PABPC4: variants seen among roughly 807,000 people sequenced by gnomAD.
The protein encoded by PABPC4 is poly(A) binding protein cytoplasmic 4.
In PABPC4, 15 loss-of-function variants were observed where a neutral mutation model predicts 74.5. That is an observed-to-expected ratio of 0.20 (90% confidence interval 0.13 to 0.31). The LOEUF (loss-of-function observed/expected upper bound fraction) is 0.31. PABPC4 is among the 10% of genes least tolerant of loss of function. The probability of loss-of-function intolerance (pLI) is 1.00; values close to 1 mark genes in which losing one functional copy is unlikely to be tolerated. For missense variants in PABPC4, 610 were observed against 853.5 expected, an observed-to-expected ratio of 0.71 and a Z score of 3.55; for synonymous variants, 345 against 303.0, an observed-to-expected ratio of 1.14 and a Z score of -1.44.
At chr1:39,561,508 A>C (rs899102961) in intron 15 of PABPC4, 177 bp downstream of exon 15, 1 of 597,298 alleles carries the variant, frequency 1.7e-6, no homozygotes, top group Admixed American at 3.1e-5. Flanking sequence ...TCCTGCAGAC[A>C]AAGTCCACAG....
At chr1:39,566,614 G>A (rs1468485745) in intron 7 of PABPC4, among the ~76,000 whole-genome samples, 3 of 152,206 alleles carry the variant, frequency 2.0e-5, no homozygotes, top group Non-Finnish European at 2.9e-5. Context: ...TGAAGTGGAG[G>A]ATAGGGAAGT....
chr1:39,574,985 T>C (rs535351155), intron 1 of PABPC4, among the ~76,000 whole-genome samples: 4 of 152,324 alleles, frequency 2.6e-5, no homozygotes, highest in South Asian at 2.1e-4. Flanking sequence ...AGGAGTCCCA[T>C]TTTCTTCAGA....
intron 3 of PABPC4, 106 bp from the exon 4 acceptor site, chr1:39,570,108 G>T: frequency 2.7e-6 from 3 of 1,106,322 alleles, no homozygotes; most frequent in Non-Finnish European, 2.6e-6. Context: ...GTTAAAACAC[G>T]AGATCCCCAT....
intron 7 of PABPC4, chr1:39,567,289 TC>T (rs1645861889): frequency 2.3e-6 from 1 of 434,328 alleles, no homozygotes; most frequent in African/African-American, 2.0e-5. Context: ...AACCTTCCAC[TC>T]CCCTTTCCTC....
At chr1:39,564,583 G>C in intron 9 of PABPC4, 41 bp from the exon 10 acceptor site, 1 of 1,613,078 alleles carries the variant, frequency 6.2e-7, no homozygotes. Flanking sequence ...GAAGTGATGT[G>C]GACCAGAACC....
rs767586285 is a variant in PABPC4 at position 39,565,339 on chromosome 1, C to T, written c.1012G>A (p.Val338Ile). The T allele has an allele frequency of 1.2e-5, 19 of 1,613,616 alleles. No homozygotes were observed. The highest frequency in any genetic ancestry group is 6.7e-5 in the East Asian group (3 of 44,892). ...GCTTCTTCAGGAGATGAGAAGCAGA[C>T]GAAGCCAAACCCTTTGCTTCTTCCA... The part of the protein sequence containing the change: ...EDGRSKGFGF[V>I]CFSSPEEATK... Residue 338 changes from valine to isoleucine, a missense_variant, in exon 8 of 16, where the codon GTC (valine) becomes ATC (isoleucine). Val to Ile is a conservative substitution (Grantham distance 29). Coordinates refer to ENST00000372858, the MANE Select transcript of PABPC4 (RefSeq NM_001135653.2).
chr1:39,569,536 C>T, intron 5 of PABPC4, 59 bp downstream of exon 5: 1 of 1,243,026 alleles, frequency 8.0e-7, no homozygotes, highest in East Asian at 2.3e-5. Flanking sequence ...TAGCAAGACC[C>T]TACCCATACT....
intron 10 of PABPC4, 161 bp from the exon 11 acceptor site, chr1:39,564,083 A>G (rs952425319): frequency 3.1e-6 from 2 of 648,206 alleles, no homozygotes; most frequent in Admixed American, 2.7e-5. Flanking sequence ...AACTCTTTCC[A>G]CATCTTGGAA....
At position 39,569,560 on chromosome 1, in the gene PABPC4, T is replaced by C. The variant is rs373070140; in HGVS notation, c.738+35A>G. 5.8e-5 allele frequency: 90 copies of C among 1,552,582 alleles called. 1 individual carries two copies. The African/African-American group carries it at 8.1e-4, about 14-fold the overall frequency. ...CCTACCCATACTCTGGGGCAACCTC[T>C]TAAAAGCTTTTCCCAATCTTTGTGG... On this transcript the variant is annotated intron_variant, in intron 5 of 15. Coordinates refer to ENST00000372858, the MANE Select transcript of PABPC4 (RefSeq NM_001135653.2).
At chr1:39,568,753 A>C in intron 6 of PABPC4, 49 bp downstream of exon 6, 1 of 1,580,678 alleles carries the variant, frequency 6.3e-7, no homozygotes, top group Non-Finnish European at 8.6e-7. Flanking sequence ...GTGTTCTGCA[A>C]ATATTTCACA....
chr1:39,576,000 G>A lies in PABPC4; in HGVS notation c.-49C>T, dbSNP rs531518230. On this transcript the variant is annotated 5_prime_UTR_variant, in exon 1 of 16. Coordinates refer to ENST00000372858, the MANE Select transcript of PABPC4 (RefSeq NM_001135653.2). ...GCCCCGCCAGGAGGACTTCTTATCG[G>A]GCCCGCCGCAGGACAAAGGGGCGCC... 1.2e-5 allele frequency: 16 copies of A among 1,320,288 alleles called. No homozygotes were observed. In the South Asian group the frequency reaches 2.1e-4, roughly 18 times the overall value. 81.8% of individuals were successfully genotyped at this position (1,320,288 alleles called of 1,614,324 possible).
chr1:39,567,447 C>G (rs1276013999), intron 7 of PABPC4: 2 of 547,804 alleles, frequency 3.7e-6, no homozygotes, highest in Non-Finnish European at 7.2e-6. Context: ...TCTGCTCATT[C>G]TGTAGCACCA....
chr1:39,565,355 G>A lies in PABPC4; in HGVS notation c.996C>T (p.Ser332=), dbSNP rs753544309. Reference sequence around the variant, plus strand: ...AGAAGCAGACGAAGCCAAACCCTTTGCTTCTTCCATCCTCCAGCATTACCT... The same window carrying A: ...AGAAGCAGACGAAGCCAAACCCTTTACTTCTTCCATCCTCCAGCATTACCT... ...SAKVMLEDGR[S]KGFGFVCFSS... is the part of the protein sequence containing the mutation. The change falls in exon 8 of 16, where the codon AGC becomes AGT. Residue 332 remains serine, a synonymous_variant. Transcript: ENST00000372858. 7.4e-6 allele frequency: 12 copies of A among 1,612,592 alleles called. No individual in the cohort carries two copies. The highest frequency in any genetic ancestry group is 1.3e-5 in the African/African-American group (1 of 75,018).
intron 2 of PABPC4, chr1:39,571,753 G>A: frequency 2.6e-6 from 1 of 378,726 alleles, no homozygotes; most frequent in Non-Finnish European, 5.2e-6. Context: ...CGTGCCTGTA[G>A]TTCCAGCTAC....
chr1:39,561,997 G>GCA, intron 14 of PABPC4, 76 bp downstream of exon 14: 1 of 1,537,162 alleles, frequency 6.5e-7, no homozygotes, highest in Non-Finnish European at 8.9e-7. Context: ...ACTTTCTGCT[G>GCA]CACCTGGGCA....
rs767680328 is a variant in PABPC4 at position 39,565,197 on chromosome 1, C to T, written c.1154G>A (p.Arg385Gln). 19 of 1,614,168 alleles carry T rather than the reference C, an allele frequency of 1.2e-5. No homozygotes were observed. Among genetic ancestry groups the T allele is most frequent in the East Asian group, 2.2e-5 (1 of 44,886 alleles). ...KAHLTNQYMQRVAGMRALPAN... is the reference protein window; with the variant it reads ...KAHLTNQYMQQVAGMRALPAN... ...AGGAAGTGCTCTCATTCCAGCCACT[C>T]GTTGCATATACTGGTTGGTCAGGTG... Residue 385 changes from arginine (R) to glutamine (Q), a missense_variant, in exon 8 of 16, where the codon CGA (arginine) becomes CAA (glutamine). Around this residue, in one of 4 missense-constraint regions of PABPC4, gnomAD observed 277 missense variants for 301.8 expected, o/e 0.92. Coordinates refer to ENST00000372858, the MANE Select transcript of PABPC4 (RefSeq NM_001135653.2).
intron 1 of PABPC4, 99 bp from the exon 2 acceptor site, chr1:39,572,685 A>C: frequency 1.2e-6 from 1 of 859,740 alleles, no homozygotes; most frequent in Non-Finnish European, 1.8e-6. Flanking sequence ...CAAGGTAATC[A>C]CTCTTGATAA....
chr1:39,575,310 A>G (rs1239426594), intron 1 of PABPC4, among the ~76,000 whole-genome samples: 1 of 152,186 alleles, frequency 6.6e-6, no homozygotes, highest in African/African-American at 2.4e-5. Context: ...CAGGTAGTCA[A>G]GGTTAGTAAA....
In PABPC4 at chr1:39,564,760, G is replaced by A. The variant is rs567524034; in HGVS notation, c.1259C>T (p.Pro420Leu). The change falls in exon 9 of 16, where the codon CCT (proline) becomes CTT (leucine). Residue 420 changes from proline to leucine, a missense_variant. Transcript: ENST00000372858. ...TAACTGGTTAGGTGTATAATATGGA[G>A]GCCTTCCCTGAGCCTGTAAGACAGA... ...VPAVPQAQGR[P>L]PYYTPNQLAQ... The A allele has an allele frequency of 1.2e-6, 2 of 1,613,756 alleles. No homozygotes were observed. Among genetic ancestry groups the A allele is most frequent in the African/African-American group, 2.7e-5 (2 of 75,016 alleles).
Sources: gnomAD v4.1 joint callset for allele counts (sites outside exome capture counted in the v4.1 genomes callset) on GRCh38, gnomAD v4.1.1 for gene constraint, gnomAD v4.1.1 regional missense constraint, MANE v1.5 for transcripts, NCBI Gene and HGNC (gene_info 2026-07-23, HGNC 2026-07-21) for gene names.